The following GPR158 variants were observed in gnomAD, a reference collection of about 807,000 sequenced individuals.
GPR158 encodes G protein-coupled receptor 158.
A neutral mutation model predicts 78.2 loss-of-function variants in GPR158; 30 were observed. That is an observed-to-expected ratio of 0.38 (90% CI 0.29 to 0.52). The LOEUF (loss-of-function observed/expected upper bound fraction) is 0.52, where lower values mean the gene tolerates loss of function less well. Among genes scored for constraint, GPR158 ranks in the 20% least tolerant of loss-of-function variants. The pLI is 0.83. For missense variants in GPR158, 1,463 were observed against 1,523.5 expected (o/e 0.96, Z 0.66); for synonymous variants, 581 against 591.1 (o/e 0.98, Z 0.25).
intron 2 of GPR158, among the ~76,000 whole-genome samples, chr10:25,254,364 C>T (rs571643099): frequency 7.2e-5 from 11 of 152,200 alleles, no homozygotes; most frequent in East Asian, 5.8e-4. Flanking sequence ...AAATACTGTA[C>T]GCTGTAGCAG....
intron 1 of GPR158, among the ~76,000 whole-genome samples, chr10:25,195,120 C>G (rs1852826736): frequency 6.6e-6 from 1 of 151,748 alleles, no homozygotes; most frequent in African/African-American, 2.4e-5. Flanking sequence ...TTTTCCCCAC[C>G]CATTGGAGTT....
At chr10:25,323,220 C>G (rs1490582577) in intron 2 of GPR158, among the ~76,000 whole-genome samples, 3 of 152,156 alleles carry the variant, frequency 2.0e-5, no homozygotes, top group Admixed American at 6.6e-5. Flanking sequence ...ATGCTATACA[C>G]AATGCTGTCA....
rs146938051 is a variant in GPR158, at chr10:25,175,593, C to G, written c.173C>G (p.Ser58Trp). Residue 58 changes from serine to tryptophan, a missense_variant, in exon 1 of 11, where the codon TCG becomes TGG. Coordinates refer to ENST00000376351, the MANE Select transcript of GPR158 (RefSeq NM_020752.3). The surrounding 1 kb of genome is among the most constrained non-coding windows in gnomAD (Gnocchi z 6.4). ...QPGRASASDS[S>W]APWSRSTDGT... The stretch of plus-strand genomic sequence containing the variant: ...GGTCGAGCCTCTGCCTCGGACTCCT[C>G]GGCTCCCTGGAGCCGCTCCACCGAT... 3 of 1,610,634 alleles carry G rather than the reference C, an allele frequency of 1.9e-6. No individual in the cohort carries two copies. Among genetic ancestry groups the G allele is most frequent in the Non-Finnish European group, 2.5e-6 (3 of 1,179,798 alleles).
At position 25,387,491 on chromosome 10, in the gene GPR158, T is replaced by A. The variant is rs71495451; in HGVS notation, c.1009-8420T>A. Reference sequence around the variant, plus strand: ...TGTAGTGCTGACATCATAAAATGAGTTTGGGAATGTTCCTTTCTCTTCAAA... The same window carrying A: ...TGTAGTGCTGACATCATAAAATGAGATTGGGAATGTTCCTTTCTCTTCAAA... On this transcript the variant is annotated intron_variant, in intron 2 of 10. Coordinates refer to ENST00000376351, the MANE Select transcript of GPR158 (RefSeq NM_020752.3). 4.7e-3 allele frequency among the ~76,000 whole-genome samples: 711 copies of A among 150,524 alleles called. 2 individuals are homozygous for A. Among genetic ancestry groups the A allele is most frequent in the Middle Eastern group, 0.01 (3 of 292 alleles).
intron 2 of GPR158, 23 bp downstream of exon 2, chr10:25,221,180 C>T: frequency 1.7e-6 from 2 of 1,143,658 alleles, no homozygotes; most frequent in South Asian, 1.3e-5. Flanking sequence ...AAATAAAATC[C>T]TCTTTAAGCT....
chr10:25,315,891 G>T (rs574123995), intron 2 of GPR158, among the ~76,000 whole-genome samples: 1 of 152,158 alleles, frequency 6.6e-6, no homozygotes, highest in Admixed American at 6.5e-5. Flanking sequence ...TTCCTTTGAT[G>T]TATTGTTTGT....
At chr10:25,185,353 A>G (rs1472479712) in intron 1 of GPR158, among the ~76,000 whole-genome samples, 2 of 152,220 alleles carry the variant, frequency 1.3e-5, no homozygotes, top group Non-Finnish European at 2.9e-5. Context: ...GACACAAGTG[A>G]GAACTGAAAC....
At chr10:25,236,321 T>C (rs1040944325) in intron 2 of GPR158, among the ~76,000 whole-genome samples, 2 of 151,964 alleles carry the variant, frequency 1.3e-5, no homozygotes, top group East Asian at 1.9e-4. Context: ...CTGGCTAACA[T>C]GGTGAAACCC....
chr10:25,589,631 T>A (rs553032416), intron 8 of GPR158, among the ~76,000 whole-genome samples: 3 of 152,172 alleles, frequency 2.0e-5, no homozygotes, highest in Admixed American at 6.5e-5. Context: ...GATGACTAGA[T>A]TATCATGTGC....
chr10:25,388,685 A>G (rs1834253511), intron 2 of GPR158, among the ~76,000 whole-genome samples: 1 of 152,236 alleles, frequency 6.6e-6, no homozygotes, highest in Non-Finnish European at 1.5e-5. Flanking sequence ...GCTGTGCTCC[A>G]TGGAGCCAGT....
intron 4 of GPR158, chr10:25,466,397 T>A (rs2130617398): frequency 2.7e-6 from 1 of 374,056 alleles, no homozygotes; most frequent in South Asian, 6.3e-5. Context: ...TCAGGCTTTT[T>A]AATGATACAA....
chr10:25,235,315 C>G (rs1285177894), intron 2 of GPR158, among the ~76,000 whole-genome samples: 1 of 152,000 alleles, frequency 6.6e-6, no homozygotes, highest in African/African-American at 2.4e-5. Flanking sequence ...TTCTCTTATT[C>G]TTACTACATC....
intron 2 of GPR158, among the ~76,000 whole-genome samples, chr10:25,249,061 T>A (rs1853748919): frequency 6.6e-6 from 1 of 151,940 alleles, no homozygotes; most frequent in South Asian, 2.1e-4. Context: ...CTTGGTATTT[T>A]ATTCTCTTTG....
chr10:25,409,245 CTCTG>C (rs67017985), intron 3 of GPR158, among the ~76,000 whole-genome samples: 18,350 of 152,092 alleles, frequency 0.12, 1,118 homozygotes, highest in East Asian at 0.17. Flanking sequence ...TTTCTTTATT[CTCTG>C]TCTGTGACTG....
In GPR158 at chr10:25,426,327, T is replaced by C. The variant is rs375376033; in HGVS notation, c.1335+13854T>C. Among the ~76,000 whole-genome samples the C allele has an allele frequency of 8.5e-5, 13 of 152,250 alleles. No individual in the cohort carries two copies. In the South Asian group the frequency reaches 2.3e-3, roughly 27 times the overall value. On this transcript the variant is annotated intron_variant, in intron 4 of 10. Transcript: ENST00000376351. ...TCGTATGTTCACTGGAGTAGCACTTTTACTTTCCATCAGTAACTTTTCCTT... is the reference window on the plus strand; with the variant it reads ...TCGTATGTTCACTGGAGTAGCACTTCTACTTTCCATCAGTAACTTTTCCTT...
intron 2 of GPR158, among the ~76,000 whole-genome samples, chr10:25,322,506 G>A (rs1055042572): frequency 2.6e-5 from 4 of 152,078 alleles, no homozygotes; most frequent in Non-Finnish European, 5.9e-5. Context: ...AATTTTGCTC[G>A]TAACTCCTGT....
At chr10:25,293,761 T>C (rs939387402) in intron 2 of GPR158, among the ~76,000 whole-genome samples, 8 of 129,854 alleles carry the variant, frequency 6.2e-5, no homozygotes, top group Non-Finnish European at 1.2e-4. Context: ...TTTTTTTTTT[T>C]CTGAGATGGA....
chr10:25,213,329 G>A (rs1361718879), intron 1 of GPR158, among the ~76,000 whole-genome samples: 12 of 152,062 alleles, frequency 7.9e-5, no homozygotes, highest in African/African-American at 2.7e-4. Flanking sequence ...TCTATTTGTA[G>A]TTTGCCATTA....
At position 25,176,291 on chromosome 10, in the gene GPR158, G is replaced by C. The variant is rs372711994; in HGVS notation, c.871G>C (p.Gly291Arg). The C allele has an allele frequency of 4.4e-6, 7 of 1,605,386 alleles. No individual in the cohort carries two copies. The highest frequency in any genetic ancestry group is 1.3e-5 in the African/African-American group (1 of 74,794). ...GGTTACTCTTTCCTCTGCCATCTAC[G>C]GGTTGCAGCCTAACCTGGTCCCGGA... ...WLVTLSSAIYGLQPNLVPEFR... is the reference protein window; with the variant it reads ...WLVTLSSAIYRLQPNLVPEFR... Residue 291 changes from glycine (G) to arginine (R), a missense_variant, in exon 1 of 11, where the codon GGG becomes CGG. Coordinates refer to ENST00000376351, the MANE Select transcript of GPR158 (RefSeq NM_020752.3). This position sits in a 1 kb window ranked among gnomAD's most constrained non-coding sequence, Gnocchi z 6.3.
Sources: allele counts gnomAD v4.1 joint callset (sites outside exome capture counted in the v4.1 genomes callset), GRCh38; gene constraint gnomAD v4.1.1; non-coding constraint Gnocchi (gnomAD v3.1); transcripts MANE v1.5; gene names NCBI Gene and HGNC (gene_info 2026-07-23, HGNC 2026-07-21).